NKPD1: variants seen among roughly 807,000 people sequenced by gnomAD.
The protein encoded by NKPD1 is NTPase KAP family P-loop domain containing 1, also known as NTPase KAP family P-loop domain-containing protein 1.
A neutral mutation model predicts 42.2 loss-of-function variants in NKPD1; 37 were observed. That is an observed-to-expected ratio of 0.88 (90% CI 0.67 to 1.15). NKPD1 has a LOEUF of 1.15. Ranked by LOEUF, NKPD1 falls within the 50% of genes most tolerant of loss-of-function variation. The probability of loss-of-function intolerance (pLI) is 0.00; values close to 1 mark genes in which losing one functional copy is unlikely to be tolerated. For missense variants in NKPD1, 1,113 were observed against 1,174.6 expected (o/e 0.95, Z 0.77); for synonymous variants, 552 against 536.5 (o/e 1.03, Z -0.40).
chr19:45,162,206 G>T (rs1321253565), upstream of NKPD1, among the ~76,000 whole-genome samples: 1 of 152,174 alleles, frequency 6.6e-6, no homozygotes, highest in Non-Finnish European at 1.5e-5. Flanking sequence ...CCAGGAGGCT[G>T]CTGGACACTA....
At position 45,152,434 on chromosome 19, in the gene NKPD1, C is replaced by T; in HGVS notation, c.2003G>A (p.Ser668Asn). Residue 668 changes from serine to asparagine, a missense_variant, in exon 5 of 5, where the codon AGC (serine) becomes AAC (asparagine). Around this residue, in one of 3 missense-constraint regions of NKPD1, gnomAD observed 867 missense variants for 870.1 expected, o/e 1.00. Transcript: ENST00000686631. ...VLANQWPCRLSWALQCLEDRQ... is the reference protein window; with the variant it reads ...VLANQWPCRLNWALQCLEDRQ... ...GTCCTCCAGGCACTGCAGCGCCCAG[C>T]TCAGGCGGCACGGCCACTGGTTGGC... 6.4e-7 allele frequency: 1 copy of T among 1,562,694 alleles called. No individual in the cohort carries two copies.
rs1186864759 is a variant in NKPD1 at position 45,158,514 on chromosome 19, C to T, written c.529+149G>A. ...AAGCTGAGGCAGCCAGCCTGAGCCC[C>T]ATGGCCAGGGACGCACCCCTCCTAG... On this transcript the variant is annotated intron_variant, in intron 3 of 4. Transcript: ENST00000686631. The surrounding 1 kb of genome is among the most constrained non-coding windows in gnomAD (Gnocchi z 4.6). 2 of 960,064 alleles carry T rather than the reference C, an allele frequency of 2.1e-6. No individual in the cohort carries two copies. The highest frequency in any genetic ancestry group is 2.5e-6 in the Non-Finnish European group (2 of 789,488). 59.5% of individuals were successfully genotyped at this position (960,064 alleles called of 1,614,324 possible).
chr19:45,153,897 G>A (rs1259845510), intron 4 of NKPD1, 122 bp from the exon 5 acceptor site: 2 of 1,024,578 alleles, frequency 2.0e-6, no homozygotes, highest in Non-Finnish European at 2.6e-6. Context: ...GCGAGGGGCT[G>A]GAAGCGAGCC....
chr19:45,159,689 C>T (rs1452105552), intron 2 of NKPD1, among the ~76,000 whole-genome samples: 6 of 152,142 alleles, frequency 3.9e-5, no homozygotes, highest in Admixed American at 3.3e-4. Flanking sequence ...CCTGTGGTCA[C>T]CACCAGAAAC....
chr19:45,154,623 G>A (rs1968867227), intron 4 of NKPD1, among the ~76,000 whole-genome samples: 1 of 152,162 alleles, frequency 6.6e-6, no homozygotes, highest in South Asian at 2.1e-4. Context: ...AAAGGCTATT[G>A]GGCCTGCACC....
In NKPD1 at chr19:45,151,710, A is replaced by T; in HGVS notation, c.*228T>A. On this transcript the variant is annotated 3_prime_UTR_variant, in exon 5 of 5. Transcript: ENST00000686631. ...CTCAACACCTCCATTTATTGCATGTATACCCTGACTTCCTCACTGGTCCTT... is the reference window on the plus strand; with the variant it reads ...CTCAACACCTCCATTTATTGCATGTTTACCCTGACTTCCTCACTGGTCCTT... 2.0e-6 allele frequency: 1 copy of T among 497,180 alleles called. No homozygotes were observed. Among genetic ancestry groups the T allele is most frequent in the Non-Finnish European group, 3.5e-6 (1 of 284,480 alleles). The allele number at this position is 497,180 out of a possible 1,614,324, so 30.8% of individuals were successfully genotyped here.
chr19:45,154,881 C>T (rs1422377851), intron 4 of NKPD1, among the ~76,000 whole-genome samples: 1 of 151,906 alleles, frequency 6.6e-6, no homozygotes, highest in Admixed American at 6.6e-5. Context: ...AAAAATTAGC[C>T]GGGCTTGGTG....
rs944108023 is a variant in NKPD1, at chr19:45,160,056, G to A, written c.91+4C>T. On this transcript the variant is annotated splice_donor_region_variant and intron_variant, in intron 2 of 4. Transcript: ENST00000686631. Reference sequence around the variant, plus strand: ...CATCACCCGCCCCCAAACTGAACCCGTACCTTTTCGGTGCCCCAACTCTGG... The same window carrying A: ...CATCACCCGCCCCCAAACTGAACCCATACCTTTTCGGTGCCCCAACTCTGG... The A allele has an allele frequency of 9.2e-6, 12 of 1,301,714 alleles. No homozygotes were observed. Among genetic ancestry groups the A allele is most frequent in the East Asian group, 1.1e-4 (2 of 17,948 alleles). 80.6% of individuals were successfully genotyped at this position (1,301,714 alleles called of 1,614,324 possible).
chr19:45,153,716 G>T lies in NKPD1; in HGVS notation c.721C>A (p.Arg241=). The T allele has an allele frequency of 1.3e-6, 2 of 1,530,148 alleles. No homozygotes were observed. Among genetic ancestry groups the T allele is most frequent in the Non-Finnish European group, 1.8e-6 (2 of 1,132,820 alleles). The allele number at this position is 1,530,148 out of a possible 1,614,324, so 94.8% of individuals were successfully genotyped here. The change falls in exon 5 of 5, where the codon CGG becomes AGG. Residue 241 remains arginine, a synonymous_variant. Transcript: ENST00000686631. Reference sequence around the variant, plus strand: ...CCCCAGCCGCTCACGGCACGCGGCCGCCACTGCACGTGCTGCAGCTCCTCG... The same window carrying T: ...CCCCAGCCGCTCACGGCACGCGGCCTCCACTGCACGTGCTGCAGCTCCTCG... ...ESEELQHVQW[R]PRAVSGWGVP...
chr19:45,152,590 G>T lies in NKPD1; in HGVS notation c.1847C>A (p.Pro616His). The T allele has an allele frequency of 6.3e-7, 1 of 1,585,836 alleles. No homozygotes were observed. The highest frequency in any genetic ancestry group is 2.3e-5 in the East Asian group (1 of 43,260). The part of the protein sequence containing the change: ...DERDCLYEYV[P>H]DNVVSMRRIV... ...GCGCCGCATGGACACCACGTTGTCG[G>T]GCACGTACTCGTAGAGGCAGTCGCG... Residue 616 changes from proline to histidine, a missense_variant, in exon 5 of 5, where the codon CCC (proline) becomes CAC (histidine). Around this residue, in one of 3 missense-constraint regions of NKPD1, gnomAD observed 867 missense variants for 870.1 expected, o/e 1.00. Transcript: ENST00000686631.
At chr19:45,155,660 G>A in intron 4 of NKPD1, 125 bp downstream of exon 4, 1 of 960,612 alleles carries the variant, frequency 1.0e-6, no homozygotes, top group South Asian at 1.6e-5. Context: ...CATGGGCTTG[G>A]GGAGGGCCTG....
At chr19:45,159,231 A>C in intron 2 of NKPD1, 131 bp from the exon 3 acceptor site, 4 of 892,272 alleles carry the variant, frequency 4.5e-6, no homozygotes, top group Non-Finnish European at 5.9e-6. Flanking sequence ...AACCCCTCAA[A>C]AAGTAAGATT....
chr19:45,154,065 G>A (rs1968856660), intron 4 of NKPD1, among the ~76,000 whole-genome samples: 1 of 152,216 alleles, frequency 6.6e-6, no homozygotes, highest in African/African-American at 2.4e-5. Context: ...GGCAAAAAGA[G>A]ATACGAGGAA....
Position 45,151,954 on chromosome 19 carries a change from C to T in NKPD1, c.2483G>A (p.Ser828Asn), listed in dbSNP as rs1968784932. The T allele has an allele frequency of 3.2e-6, 5 of 1,570,418 alleles. No homozygotes were observed. Among genetic ancestry groups the T allele is most frequent in the East Asian group, 2.3e-5 (1 of 43,636 alleles). The change falls in exon 5 of 5, where the codon AGC becomes AAC. Residue 828 changes from serine to asparagine, a missense_variant. Coordinates refer to ENST00000686631, the MANE Select transcript of NKPD1 (RefSeq NM_198478.4). The stretch of plus-strand genomic sequence containing the variant: ...GTCCTCCATTTAAGGCCCACCTGGG[C>T]TGGATTGCCCTGGACGGAAGAGCGC... The part of the protein sequence containing the change: ...ACALFRPGQS[S>N]PGGP
rs757353636 is a variant in NKPD1 at position 45,152,618 on chromosome 19, C to T, written c.1819G>A (p.Glu607Lys). 6.3e-7 allele frequency: 1 copy of T among 1,576,102 alleles called. No homozygotes were observed. Among genetic ancestry groups the T allele is most frequent in the South Asian group, 1.1e-5 (1 of 88,036 alleles). The change falls in exon 5 of 5, where the codon GAG becomes AAG. Residue 607 changes from glutamate to lysine, a missense_variant. Transcript: ENST00000686631. ...IQEALFCLHD[E>K]RDCLYEYVPD... ...ACGTACTCGTAGAGGCAGTCGCGCT[C>T]GTCGTGAAGGCAGAAGAGCGCCTCC...
At chr19:45,159,274 C>G (rs191602483) in intron 2 of NKPD1, among the ~76,000 whole-genome samples, 174 bp from the exon 3 acceptor site, 2 of 152,064 alleles carry the variant, frequency 1.3e-5, no homozygotes, top group African/African-American at 4.8e-5. Context: ...GGGGAGGGAC[C>G]CAGGGTCTGT....
In NKPD1 at chr19:45,153,741, G is replaced by T; in HGVS notation, c.696C>A (p.Ser232Arg). ...LMQQEAAQRE[S>R]EELQHVQWRP... Reference sequence around the variant, plus strand: ...GCCACTGCACGTGCTGCAGCTCCTCGCTCTCGCGCTGCGCGGCCTCCTGCT... The same window carrying T: ...GCCACTGCACGTGCTGCAGCTCCTCTCTCTCGCGCTGCGCGGCCTCCTGCT... The change falls in exon 5 of 5, where the codon AGC (serine) becomes AGA (arginine). Residue 232 changes from serine (S) to arginine (R), a missense_variant. By Grantham distance (110) the Ser-to-Arg change is moderately radical (BLOSUM62 -1). This residue lies in a region of NKPD1 where 867 missense variants were observed against 870.1 expected (regional missense o/e 1.00). Coordinates refer to ENST00000686631, the MANE Select transcript of NKPD1 (RefSeq NM_198478.4). 1.3e-6 allele frequency: 2 copies of T among 1,508,190 alleles called. No individual in the cohort carries two copies. Among genetic ancestry groups the T allele is most frequent in the Non-Finnish European group, 8.9e-7 (1 of 1,120,760 alleles). The allele number at this position is 1,508,190 out of a possible 1,614,324, so 93.4% of individuals were successfully genotyped here.
rs1968985973 is a variant in NKPD1, at chr19:45,160,541, A to G, written c.-71-320T>C. 2.0e-5 allele frequency among the ~76,000 whole-genome samples: 3 copies of G among 151,910 alleles called. No homozygotes were observed. In the South Asian group the frequency reaches 6.2e-4, roughly 32 times the overall value. ...GGGGGTCCGGTGTGGTGGCTGAGTG[A>G]CCAAGGGGTCATTAAGGTGTGGGCG... is the stretch of plus-strand genomic sequence containing the variant. On this transcript the variant is annotated intron_variant, in intron 1 of 4. Transcript: ENST00000686631.
chr19:45,152,391 G>C lies in NKPD1; in HGVS notation c.2046C>G (p.Gly682=). The C allele has an allele frequency of 1.3e-6, 2 of 1,575,348 alleles. No homozygotes were observed. The highest frequency in any genetic ancestry group is 2.4e-5 in the East Asian group (1 of 41,998). ...QCLEDRQQTG[G]APEGRARLWD... ...AGAGGCGCGCGCGGCCCTCGGGCGC[G>C]CCCCCGGTCTGCTGCCGGTCCTCCA... The change falls in exon 5 of 5, where the codon GGC becomes GGG. Residue 682 remains glycine (G), a synonymous_variant. Transcript: ENST00000686631.
Sources: gnomAD v4.1 joint callset for allele counts (sites outside exome capture counted in the v4.1 genomes callset) on GRCh38, gnomAD v4.1.1 for gene constraint, gnomAD v4.1.1 regional missense constraint, Gnocchi (gnomAD v3.1) non-coding constraint, MANE v1.5 for transcripts, NCBI Gene and HGNC (gene_info 2026-07-23, HGNC 2026-07-21) for gene names.